The following DPP6 variants were observed in gnomAD, a reference collection of about 807,000 sequenced individuals.
DPP6 encodes A-type potassium channel modulatory protein DPP6.
In DPP6, 69 loss-of-function variants were observed where a neutral mutation model predicts 122.6. The observed-to-expected ratio is 0.56, with a 90% CI of 0.46 to 0.69. The LOEUF (loss-of-function observed/expected upper bound fraction) is 0.69. DPP6 is among the 30% of genes least tolerant of loss of function. DPP6 has a pLI of 0.00. For missense variants in DPP6, 928 were observed against 1,116.9 expected (o/e 0.83, Z 2.41); for synonymous variants, 418 against 433.1 (o/e 0.97, Z 0.43).
At chr7:154,266,695 T>C (rs1029131385) in intron 1 of DPP6, among the ~76,000 whole-genome samples, 7 of 152,226 alleles carry the variant, frequency 4.6e-5, no homozygotes, top group African/African-American at 7.2e-5. Context: ...TAAGTTCATA[T>C]AAATCAATCA....
At chr7:154,405,480 C>A (rs1586177764) in intron 1 of DPP6, among the ~76,000 whole-genome samples, 1 of 152,308 alleles carries the variant, frequency 6.6e-6, no homozygotes, top group South Asian at 2.1e-4. Context: ...CTTTCCCCCC[C>A]TTGTTTGTCG....
intron 1 of DPP6, among the ~76,000 whole-genome samples, chr7:153,895,706 A>G (rs73494320): frequency 0.039 from 5,837 of 148,228 alleles, 348 homozygotes; most frequent in African/African-American, 0.14. Flanking sequence ...GTAGCACACC[A>G]TATACATGCA....
chr7:154,056,547 A>T (rs1389746909), intron 1 of DPP6, among the ~76,000 whole-genome samples: 2 of 152,060 alleles, frequency 1.3e-5, no homozygotes, highest in Non-Finnish European at 2.9e-5. Context: ...TTTTAAGGTT[A>T]TACAGTGTGT....
At chr7:154,837,669 G>A (rs1801196087) in intron 16 of DPP6, among the ~76,000 whole-genome samples, 1 of 152,240 alleles carries the variant, frequency 6.6e-6, no homozygotes, top group African/African-American at 2.4e-5. Context: ...GTCTTGTATA[G>A]TGTGGCCCTT....
chr7:154,343,931 G>T (rs1224504751), intron 1 of DPP6, among the ~76,000 whole-genome samples: 6 of 152,196 alleles, frequency 3.9e-5, no homozygotes, highest in East Asian at 1.9e-4. Context: ...GGCCAGGCTG[G>T]TATCGAAATC....
chr7:154,385,071 C>T lies in DPP6; in HGVS notation c.244-61143C>T, dbSNP rs561229012. ...CGGCAAGCTCTGCCTCCCAGGTTCACGCCATTCTCCTGCCTCAGCCTCCCG... is the reference window on the plus strand; with the variant it reads ...CGGCAAGCTCTGCCTCCCAGGTTCATGCCATTCTCCTGCCTCAGCCTCCCG... On this transcript the variant is annotated intron_variant, in intron 1 of 25. Coordinates refer to ENST00000377770, the MANE Select transcript of DPP6 (RefSeq NM_130797.4). Among the ~76,000 whole-genome samples, 14 of 152,226 alleles carry T rather than the reference C, an allele frequency of 9.2e-5. No homozygotes were observed. The South Asian group carries it at 1.2e-3, about 14-fold the overall frequency.
chr7:153,827,444 G>A, the DPP6 span, among the ~76,000 whole-genome samples: 1 of 152,156 alleles, frequency 6.6e-6, no homozygotes, highest in Non-Finnish European at 1.5e-5. Context: ...CTGAAAGAAG[G>A]AGGGAAGAAG....
At chr7:153,934,117 T>C (rs1210186306) in intron 1 of DPP6, among the ~76,000 whole-genome samples, 1 of 152,294 alleles carries the variant, frequency 6.6e-6, no homozygotes, top group Non-Finnish European at 1.5e-5. Flanking sequence ...AGGACTGCTC[T>C]CAGGGACACC....
chr7:154,065,283 AGGG>A (rs1802616668), intron 1 of DPP6, among the ~76,000 whole-genome samples: 1 of 130,038 alleles, frequency 7.7e-6, no homozygotes, highest in African/African-American at 3.0e-5. Flanking sequence ...GGGAGCAAGC[AGGG>A]ACACCTCCCA....
chr7:153,958,079 G>A (rs949096203), intron 1 of DPP6, among the ~76,000 whole-genome samples: 64 of 152,184 alleles, frequency 4.2e-4, no homozygotes, highest in East Asian at 5.8e-4. Flanking sequence ...CAGGAGAATC[G>A]CTTGAACCCG....
At chr7:154,596,133 C>T (rs1167865516) in intron 5 of DPP6, among the ~76,000 whole-genome samples, 1 of 152,220 alleles carries the variant, frequency 6.6e-6, no homozygotes, top group Non-Finnish European at 1.5e-5. Flanking sequence ...TTTCTTTGTA[C>T]ATAAAACCCT....
intron 1 of DPP6, among the ~76,000 whole-genome samples, chr7:153,974,163 G>A (rs1244288473): frequency 6.6e-6 from 1 of 152,106 alleles, no homozygotes; most frequent in Non-Finnish European, 1.5e-5. Context: ...AGCACTTGTT[G>A]GGCCTATTTA....
At position 154,241,248 on chromosome 7, in the gene DPP6, C is replaced by CTTTTATCCA. The variant is rs978500413; in HGVS notation, c.243+188189_243+188197dup. 6.7e-6 allele frequency among the ~76,000 whole-genome samples: 1 copy of CTTTTATCCA among 148,572 alleles called. No homozygotes were observed. The highest frequency in any genetic ancestry group is 2.5e-5 in the African/African-American group (1 of 39,668). ...ATATATATAGAGAGAGAGAGAGACACTTTTATCCATTTAGGAAGACAAACA... is the reference window on the plus strand; with the variant it reads ...ATATATATAGAGAGAGAGAGAGACACTTTTATCCATTTTATCCATTTAGGAAGACAAACA... On this transcript the variant is annotated intron_variant, in intron 1 of 25. Transcript: ENST00000377770. This position sits in a 1 kb window ranked among gnomAD's most constrained non-coding sequence, Gnocchi z 9.0.
chr7:154,261,560 G>A (rs1334785707), intron 1 of DPP6, among the ~76,000 whole-genome samples: 1 of 152,156 alleles, frequency 6.6e-6, no homozygotes, highest in East Asian at 1.9e-4. Flanking sequence ...AAACTAAAGA[G>A]CTTTTGCGGG....
At chr7:154,397,923 C>A (rs1815229987) in intron 1 of DPP6, among the ~76,000 whole-genome samples, 1 of 152,134 alleles carries the variant, frequency 6.6e-6, no homozygotes, top group Admixed American at 6.5e-5. Flanking sequence ...GCCTTTGAGC[C>A]TTTCAGTCAA....
exon 1 of DPP6, chr7:153,887,518 G>A (rs1287801735): frequency 2.9e-6 from 2 of 682,132 alleles, no homozygotes; most frequent in Non-Finnish European, 5.2e-6. Context: ...GACACGGGCA[G>A]GGGTGCGCGG....
chr7:154,331,211 A>G (rs1334983955), intron 1 of DPP6, among the ~76,000 whole-genome samples: 1 of 152,234 alleles, frequency 6.6e-6, no homozygotes, highest in Non-Finnish European at 1.5e-5. Context: ...TGGCAGCCAG[A>G]GAGACGACAT....
intron 16 of DPP6, among the ~76,000 whole-genome samples, chr7:154,829,322 G>A (rs890666348): frequency 2.6e-5 from 4 of 151,624 alleles, no homozygotes; most frequent in Non-Finnish European, 5.9e-5. Flanking sequence ...GGTCGAGGCT[G>A]CAGTGAGCTG....
chr7:154,351,876 TC>T (rs1382219645), intron 1 of DPP6, among the ~76,000 whole-genome samples: 1 of 151,928 alleles, frequency 6.6e-6, no homozygotes. Flanking sequence ...GCACCTCTGC[TC>T]CCCTGGGGTC....
Sources: allele counts gnomAD v4.1 joint callset (sites outside exome capture counted in the v4.1 genomes callset), GRCh38; gene constraint gnomAD v4.1.1; non-coding constraint Gnocchi (gnomAD v3.1); transcripts MANE v1.5; gene names NCBI Gene and HGNC (gene_info 2026-07-23, HGNC 2026-07-21).